The following VTA1 variants were observed in gnomAD, a reference collection of about 807,000 sequenced individuals.
VTA1 encodes the protein vesicle trafficking 1.
A neutral mutation model predicts 36.9 loss-of-function variants in VTA1; 24 were observed. The ratio of observed to expected loss-of-function variants is 0.65; its 90% CI spans 0.47 to 0.91. The LOEUF is 0.91. Among genes scored for constraint, VTA1 ranks in the 40% least tolerant of loss-of-function variants. VTA1 has a pLI of 0.00. For synonymous variants in VTA1, 142 were observed against 130.2 expected, an observed-to-expected ratio of 1.09 and a Z score of -0.62; for missense variants, 393 against 377.2, an observed-to-expected ratio of 1.04 and a Z score of -0.35.
intron 1 of VTA1, among the ~76,000 whole-genome samples, chr6:142,158,757 C>T (rs369426131): frequency 1.3e-5 from 2 of 152,020 alleles, no homozygotes; most frequent in African/African-American, 4.8e-5. Flanking sequence ...TCTGTCATAC[C>T]TCCACTGTGA....
At chr6:142,207,354 A>G (rs1775813929) in intron 7 of VTA1, among the ~76,000 whole-genome samples, 1 of 152,132 alleles carries the variant, frequency 6.6e-6, no homozygotes, top group Non-Finnish European at 1.5e-5. Flanking sequence ...TGCAGGGAAA[A>G]TATCACTGAA....
At chr6:142,163,891 GTAT>G (rs1774861933) in intron 1 of VTA1, among the ~76,000 whole-genome samples, 1 of 151,932 alleles carries the variant, frequency 6.6e-6, no homozygotes, top group African/African-American at 2.4e-5. Flanking sequence ...TACTAATACT[GTAT>G]TATAAGAGAT....
intron 4 of VTA1, among the ~76,000 whole-genome samples, chr6:142,171,547 A>T (rs1411052084): frequency 4.6e-5 from 7 of 152,222 alleles, no homozygotes; most frequent in Non-Finnish European, 8.8e-5. Flanking sequence ...ATAATGATTT[A>T]CCATAAGGTA....
At chr6:142,180,624 A>G (rs1188121230) in intron 4 of VTA1, among the ~76,000 whole-genome samples, 1 of 152,208 alleles carries the variant, frequency 6.6e-6, no homozygotes, top group African/African-American at 2.4e-5. Context: ...GGAAAATAGT[A>G]ATTCAATAAT....
At chr6:142,174,223 G>A (rs900497065) in intron 4 of VTA1, among the ~76,000 whole-genome samples, 1 of 152,200 alleles carries the variant, frequency 6.6e-6, no homozygotes, top group African/African-American at 2.4e-5. Flanking sequence ...CACAGGGGCT[G>A]TACCCTGCAA....
intron 2 of VTA1, among the ~76,000 whole-genome samples, chr6:142,167,902 A>G (rs534855774): frequency 4.6e-5 from 7 of 152,332 alleles, no homozygotes; most frequent in East Asian, 1.9e-4. Flanking sequence ...AGCATTTTGT[A>G]TAGTATAATG....
At chr6:142,179,049 T>C (rs998802017) in intron 4 of VTA1, among the ~76,000 whole-genome samples, 2 of 151,998 alleles carry the variant, frequency 1.3e-5, no homozygotes, top group Non-Finnish European at 2.9e-5. Context: ...CAGTTACAAA[T>C]GTCTGTGCAC....
At chr6:142,192,702 TTGTG>T (rs35330800) in intron 5 of VTA1, among the ~76,000 whole-genome samples, 85,805 of 149,198 alleles carry the variant, frequency 0.58, 26,528 homozygotes, top group East Asian at 0.81. Context: ...TTTTATATAT[TTGTG>T]TGTGTGTGTG....
chr6:142,178,590 T>C lies in VTA1; in HGVS notation c.411+8169T>C, dbSNP rs576001973. Among the ~76,000 whole-genome samples the C allele has an allele frequency of 6.2e-4, 94 of 152,232 alleles. 1 individual carries two copies. The highest frequency in any genetic ancestry group is 2.2e-3 in the African/African-American group (92 of 41,570). ...AAAGACTATATATTTTTAATTTCTTTAAAAGATACATGACTATATTTGTAA... is the reference window on the plus strand; with the variant it reads ...AAAGACTATATATTTTTAATTTCTTCAAAAGATACATGACTATATTTGTAA... On this transcript the variant is annotated intron_variant, in intron 4 of 7. Transcript: ENST00000367630.
chr6:142,186,134 G>C (rs1257233236), intron 4 of VTA1, among the ~76,000 whole-genome samples: 1 of 152,100 alleles, frequency 6.6e-6, no homozygotes, highest in Non-Finnish European at 1.5e-5. Flanking sequence ...ATTTGATCTG[G>C]CATATGAGGA....
intron 1 of VTA1, among the ~76,000 whole-genome samples, chr6:142,147,897 C>A (rs557837056): frequency 2.6e-5 from 4 of 152,270 alleles, no homozygotes; most frequent in Admixed American, 6.5e-5. Context: ...ACTAAATAAG[C>A]AGTTGAATTT....
chr6:142,218,753 A>G lies in VTA1; in HGVS notation c.*110A>G. ...TTTAAGGAAGACTTGGTTTTGTTGA[A>G]TATGACAATGAAATCTGTGTGTATC... On this transcript the variant is annotated 3_prime_UTR_variant, in exon 8 of 8. Transcript: ENST00000367630. The G allele has an allele frequency of 1.6e-6, 2 of 1,276,444 alleles. No individual in the cohort carries two copies. Among genetic ancestry groups the G allele is most frequent in the Non-Finnish European group, 1.0e-6 (1 of 953,520 alleles). 79.1% of individuals were successfully genotyped at this position (1,276,444 alleles called of 1,614,324 possible). A position where few individuals can be genotyped will look rare whatever the true frequency, so the allele number is the denominator to read the frequency against.
rs111914985 is a variant in VTA1, at chr6:142,152,274, G to A, written c.112+4875G>A. ...AATTGAGAAAATGAGTAATGATGGG[G>A]TAACAAATCCTTTTTAATTTTTAAA... On this transcript the variant is annotated intron_variant, in intron 1 of 7. Transcript: ENST00000367630. Among the ~76,000 whole-genome samples the A allele has an allele frequency of 7.0e-3, 1,065 of 152,130 alleles. 16 individuals carry two copies. The highest frequency in any genetic ancestry group is 0.024 in the African/African-American group (1,015 of 41,504).
chr6:142,189,419 CTT>C lies in VTA1; in HGVS notation c.412-4_412-3del. The C allele has an allele frequency of 6.2e-7, 1 of 1,609,536 alleles. No homozygotes were observed. Among genetic ancestry groups the C allele is most frequent in the Non-Finnish European group, 8.5e-7 (1 of 1,176,412 alleles). On this transcript the variant is annotated splice_region_variant and splice_polypyrimidine_tract_variant and intron_variant, in intron 4 of 7. Transcript: ENST00000367630. ...TCCAATGTTGATATAAAAATGCTCT[CTT>C]TTAGAATGTGAAACACAGGAAGTAT... is the stretch of plus-strand genomic sequence containing the variant.
chr6:142,210,093 A>C (rs1775872659), intron 7 of VTA1, among the ~76,000 whole-genome samples: 1 of 152,208 alleles, frequency 6.6e-6, no homozygotes, highest in African/African-American at 2.4e-5. Flanking sequence ...AACAGAATAG[A>C]GAATCCTGAT....
rs1776110755 is a variant in VTA1 at position 142,221,578 on chromosome 6, A to G, written c.*2935A>G. ...CCTGATGTGACTTAACTTTTGAAAT[A>G]ATCATATTGGCTCCTATGTTGAGAA... On this transcript the variant is annotated 3_prime_UTR_variant, in exon 8 of 8. Transcript: ENST00000367630. 6.6e-6 allele frequency: 1 copy of G among 151,930 alleles called. No homozygotes were observed. Among genetic ancestry groups the G allele is most frequent in the South Asian group, 2.1e-4 (1 of 4,816 alleles). 9.4% of individuals were successfully genotyped at this position (151,930 alleles called of 1,614,324 possible). A position where few individuals can be genotyped will look rare whatever the true frequency, so the allele number is the denominator to read the frequency against.
At chr6:142,193,451 C>T (rs906803846) in intron 5 of VTA1, among the ~76,000 whole-genome samples, 7 of 151,926 alleles carry the variant, frequency 4.6e-5, no homozygotes, top group Admixed American at 2.6e-4. Context: ...CAACTTCACC[C>T]CCTGGGTTTA....
intron 5 of VTA1, among the ~76,000 whole-genome samples, chr6:142,198,119 ATGTGTGTGTGTG>A (rs71021658): frequency 0.012 from 1,158 of 98,242 alleles, 10 homozygotes; most frequent in African/African-American, 0.017. Flanking sequence ...ATATATATAT[ATGTGTGTGTGTG>A]TGTGTGTGTG....
At position 142,218,975 on chromosome 6, in the gene VTA1, G is replaced by T. The variant is rs1776053562; in HGVS notation, c.*332G>T. On this transcript the variant is annotated 3_prime_UTR_variant, in exon 8 of 8. Coordinates refer to ENST00000367630, the MANE Select transcript of VTA1 (RefSeq NM_016485.5). ...AGCTTTGTATTTACATACATTAGGG[G>T]AATTTTTTAAAATCTGTAATGTTTG... 1 of 164,226 alleles carries T rather than the reference G, an allele frequency of 6.1e-6. No homozygotes were observed. The highest frequency in any genetic ancestry group is 1.3e-5 in the Non-Finnish European group (1 of 76,212). The allele number at this position is 164,226 out of a possible 1,614,324, so 10.2% of individuals were successfully genotyped here. A position where few individuals can be genotyped will look rare whatever the true frequency, so the allele number is the denominator to read the frequency against.
Sources: gnomAD v4.1 joint callset for allele counts (sites outside exome capture counted in the v4.1 genomes callset) on GRCh38, gnomAD v4.1.1 for gene constraint, MANE v1.5 for transcripts, NCBI Gene and HGNC (gene_info 2026-07-23, HGNC 2026-07-21) for gene names.